Variants in MTSS1 observed in about 807,000 individuals in gnomAD.
The protein encoded by MTSS1 is protein MTSS 1.
In MTSS1, 18 loss-of-function variants were observed where a neutral mutation model predicts 79.0. The ratio of observed to expected loss-of-function variants is 0.23; its 90% confidence interval spans 0.16 to 0.34. The LOEUF (loss-of-function observed/expected upper bound fraction) is 0.34, where lower values mean the gene tolerates loss of function less well. Among genes scored for constraint, MTSS1 ranks in the 10% least tolerant of loss-of-function variants. The pLI is 1.00. For synonymous variants in MTSS1, 341 were observed against 368.6 expected, an observed-to-expected ratio of 0.93 and a Z score of 0.86; for missense variants, 815 against 986.2, an observed-to-expected ratio of 0.83 and a Z score of 2.33.
At chr8:124,699,686 G>C (rs77783170) in intron 2 of MTSS1, 87 bp from the exon 3 acceptor site, 1 of 1,208,500 alleles carries the variant, frequency 8.3e-7, no homozygotes, top group Non-Finnish European at 1.2e-6. Context: ...CTCTGCTAAG[G>C]AGTACATGTA....
intron 6 of MTSS1, among the ~76,000 whole-genome samples, chr8:124,574,467 G>C (rs529787520): frequency 6.6e-6 from 1 of 152,176 alleles, no homozygotes; most frequent in Non-Finnish European, 1.5e-5. Flanking sequence ...AGCCAGCCAC[G>C]GGCACAGCTA....
At chr8:124,677,679 G>GT (rs1312966399) in intron 3 of MTSS1, among the ~76,000 whole-genome samples, 3 of 152,056 alleles carry the variant, frequency 2.0e-5, no homozygotes, top group Admixed American at 1.3e-4. Context: ...GGTGTATCTG[G>GT]TTTTTTTCTT....
chr8:124,680,465 A>T (rs1825951491), intron 3 of MTSS1, among the ~76,000 whole-genome samples: 1 of 152,188 alleles, frequency 6.6e-6, no homozygotes, highest in Non-Finnish European at 1.5e-5. Context: ...GTCCCAGGGG[A>T]GAGCACACTT....
In MTSS1 at chr8:124,553,700, T is replaced by C. The variant is rs1379077152; in HGVS notation, c.1568-8A>G. 3.1e-6 allele frequency: 5 copies of C among 1,597,732 alleles called. No homozygotes were observed. The highest frequency in any genetic ancestry group is 3.4e-5 in the Admixed American group (2 of 59,250). On this transcript the variant is annotated splice_polypyrimidine_tract_variant and splice_region_variant and intron_variant, in intron 13 of 13. Coordinates refer to ENST00000518547, the MANE Select transcript of MTSS1 (RefSeq NM_014751.6). The surrounding 1 kb of genome is among the most constrained non-coding windows in gnomAD (Gnocchi z 6.0). ...AATAATCATAATCTGAAACTGATTA[T>C]AGGATTTGATTAGACATATTCAAGA...
chr8:124,678,513 AG>A (rs1320952267), intron 3 of MTSS1, among the ~76,000 whole-genome samples: 3 of 152,238 alleles, frequency 2.0e-5, no homozygotes, highest in African/African-American at 7.2e-5. Flanking sequence ...GGAAGAGCAA[AG>A]GTACGTCTTA....
intron 6 of MTSS1, among the ~76,000 whole-genome samples, chr8:124,581,287 CA>C (rs10616707): frequency 0.37 from 37,062 of 100,786 alleles, 4,380 homozygotes; most frequent in East Asian, 0.58. Context: ...GATGCTGACT[CA>C]AAAAAAAAAA....
At position 124,591,139 on chromosome 8, in the gene MTSS1, C is replaced by A. The variant is rs1447924477; in HGVS notation, c.293+12G>T. 1 of 1,613,640 alleles carries A rather than the reference C, an allele frequency of 6.2e-7. No individual in the cohort carries two copies. Among genetic ancestry groups the A allele is most frequent in the South Asian group, 1.1e-5 (1 of 91,060 alleles). ...AGGGTGTTGGCGATCGGGGCCAAAACATGCTCCTCACCTCGAAAACTGCCT... is the reference window on the plus strand; with the variant it reads ...AGGGTGTTGGCGATCGGGGCCAAAAAATGCTCCTCACCTCGAAAACTGCCT... On this transcript the variant is annotated intron_variant, in intron 4 of 13. Transcript: ENST00000518547.
chr8:124,568,484 A>G lies in MTSS1; in HGVS notation c.513T>C (p.Asp171=). Residue 171 remains aspartate, a synonymous_variant, in exon 7 of 14, where the codon GAT becomes GAC. Coordinates refer to ENST00000518547, the MANE Select transcript of MTSS1 (RefSeq NM_014751.6). ...CTGTTTCTTCCAATAAGAGATACTT[A>G]TCATTGACATCTTGGAGAGCACTGT... ...QLDSALQDVN[D]KYLLLEETEK... is the part of the protein sequence containing the mutation. 6.2e-7 allele frequency: 1 copy of G among 1,614,152 alleles called. No homozygotes were observed. The highest frequency in any genetic ancestry group is 8.5e-7 in the Non-Finnish European group (1 of 1,180,022).
At chr8:124,591,072 CT>C (rs1831795740) in intron 4 of MTSS1, 78 bp downstream of exon 4, 2 of 1,164,404 alleles carry the variant, frequency 1.7e-6, no homozygotes, top group Non-Finnish European at 2.6e-6. Context: ...GATTTAAATG[CT>C]GTGTGCCACA....
intron 4 of MTSS1, among the ~76,000 whole-genome samples, chr8:124,590,379 T>C (rs529016521): frequency 6.6e-6 from 1 of 152,252 alleles, no homozygotes; most frequent in South Asian, 2.1e-4. Context: ...GGGCCCAGCA[T>C]CACTATTTTT....
chr8:124,605,273 C>T (rs890261079), intron 3 of MTSS1, among the ~76,000 whole-genome samples: 6 of 152,224 alleles, frequency 3.9e-5, no homozygotes, highest in African/African-American at 1.4e-4. Flanking sequence ...CTCCTGCCAG[C>T]GAAGCAGCTG....
chr8:124,707,424 A>C (rs544434994), intron 1 of MTSS1, among the ~76,000 whole-genome samples: 122 of 151,940 alleles, frequency 8.0e-4, no homozygotes, highest in Middle Eastern at 6.8e-3. Flanking sequence ...AACAAACAAA[A>C]AAAAAACACC....
intron 3 of MTSS1, among the ~76,000 whole-genome samples, chr8:124,615,101 C>G (rs1213354579): frequency 6.6e-6 from 1 of 152,188 alleles, no homozygotes; most frequent in Non-Finnish European, 1.5e-5. Flanking sequence ...TACAAGAGAA[C>G]AGTGCGTGCC....
chr8:124,667,370 C>A (rs532305653), intron 3 of MTSS1, among the ~76,000 whole-genome samples: 1 of 152,176 alleles, frequency 6.6e-6, no homozygotes, highest in Non-Finnish European at 1.5e-5. Flanking sequence ...ATAGGCCGGG[C>A]GTGGTGGCTC....
At chr8:124,631,816 C>T (rs919479941) in intron 3 of MTSS1, among the ~76,000 whole-genome samples, 2 of 152,266 alleles carry the variant, frequency 1.3e-5, no homozygotes, top group South Asian at 2.1e-4. Context: ...CACCCACGGC[C>T]CTCCAAAGGC....
chr8:124,601,922 A>T (rs1257531329), intron 3 of MTSS1, among the ~76,000 whole-genome samples: 1 of 152,182 alleles, frequency 6.6e-6, no homozygotes, highest in Admixed American at 6.5e-5. Flanking sequence ...TTCAAAGGAA[A>T]GTAAGAGTGT....
chr8:124,723,397 T>C (rs958425426), intron 1 of MTSS1, among the ~76,000 whole-genome samples: 7 of 152,158 alleles, frequency 4.6e-5, no homozygotes, highest in African/African-American at 1.7e-4. Flanking sequence ...AGGAATGACT[T>C]CTCTTGATTT....
At chr8:124,561,276 G>C (rs1303165964) in intron 10 of MTSS1, among the ~76,000 whole-genome samples, 1 of 152,124 alleles carries the variant, frequency 6.6e-6, no homozygotes, top group Non-Finnish European at 1.5e-5. Flanking sequence ...AAGTTAGCTG[G>C]GAATGGTGGC....
intron 12 of MTSS1, 129 bp downstream of exon 12, chr8:124,556,103 G>C (rs1315843347): frequency 6.4e-7 from 1 of 1,556,392 alleles, no homozygotes; most frequent in South Asian, 1.2e-5. Flanking sequence ...CTGTAGAGCA[G>C]GAAGTCAGGG....
Sources: allele counts gnomAD v4.1 joint callset (sites outside exome capture counted in the v4.1 genomes callset), GRCh38; gene constraint gnomAD v4.1.1; non-coding constraint Gnocchi (gnomAD v3.1); transcripts MANE v1.5; gene names NCBI Gene and HGNC (gene_info 2026-07-23, HGNC 2026-07-21).